OTUD6B: variants seen among roughly 807,000 people sequenced by gnomAD.
The protein encoded by OTUD6B is OTU deubiquitinase 6B, also known as deubiquitinase OTUD6B.
Under a neutral mutation model 36.9 loss-of-function variants are expected in OTUD6B, and 41 were observed. That is an observed-to-expected ratio of 1.11 (90% CI 0.87 to 1.44). The LOEUF (loss-of-function observed/expected upper bound fraction) is 1.44. OTUD6B is among the 40% of genes most tolerant of loss of function. The pLI is 0.00. For missense variants in OTUD6B, 356 were observed against 344.8 expected (o/e 1.03, Z -0.26); for synonymous variants, 114 against 114.2 (o/e 1.00, Z 0.01).
chr8:91,084,936 G>A lies in OTUD6B; in HGVS notation c.*68G>A, dbSNP rs1402953433. 2 of 760,282 alleles carry A rather than the reference G, an allele frequency of 2.6e-6. No homozygotes were observed. Among genetic ancestry groups the A allele is most frequent in the Non-Finnish European group, 4.0e-6 (2 of 493,852 alleles). 47.1% of individuals were successfully genotyped at this position (760,282 alleles called of 1,614,324 possible). On this transcript the variant is annotated 3_prime_UTR_variant, in exon 7 of 7. Coordinates refer to ENST00000404789, the MANE Select transcript of OTUD6B (RefSeq NM_016023.5). ...AACTGAGTATTTCTACCAAGTGTTG[G>A]GTTGTTCTAAATGCTACTGAAAAAC...
chr8:91,074,010 A>G (rs1158287286), intron 3 of OTUD6B, 99 bp downstream of exon 3: 1 of 741,278 alleles, frequency 1.3e-6, no homozygotes, highest in African/African-American at 1.8e-5. Flanking sequence ...GAATGAAAAA[A>G]AAATGATGCA....
intron 2 of OTUD6B, among the ~76,000 whole-genome samples, chr8:91,072,987 AAT>A (rs1418347384): frequency 1.3e-5 from 2 of 152,130 alleles, no homozygotes; most frequent in Admixed American, 1.3e-4. Context: ...GCCTATTGTC[AAT>A]ATAGATGTTT....
In OTUD6B at chr8:91,076,392, A is replaced by T. The variant is rs1169847492; in HGVS notation, c.316-1964A>T. 4 of 878,520 alleles carry T rather than the reference A, an allele frequency of 4.6e-6. No individual in the cohort carries two copies. The African/African-American group carries it at 7.2e-5, about 16-fold the overall frequency. 54.4% of individuals were successfully genotyped at this position (878,520 alleles called of 1,614,324 possible). A position where few individuals can be genotyped will look rare whatever the true frequency, so the allele number is the denominator to read the frequency against. ...GGAAAAAGAATTCAGTGGATTTCTTACCTAGTGCCCTGAAAAGGAAACTCA... is the reference window on the plus strand; with the variant it reads ...GGAAAAAGAATTCAGTGGATTTCTTTCCTAGTGCCCTGAAAAGGAAACTCA... On this transcript the variant is annotated intron_variant, in intron 3 of 6. Transcript: ENST00000404789.
chr8:91,081,835 C>G (rs72664456), intron 5 of OTUD6B, among the ~76,000 whole-genome samples: 43 of 152,166 alleles, frequency 2.8e-4, no homozygotes, highest in Non-Finnish European at 4.4e-4. Flanking sequence ...GGAACTGTAT[C>G]CATTAGTTTT....
At chr8:91,083,155 G>A (rs887014867) in intron 5 of OTUD6B, among the ~76,000 whole-genome samples, 1 of 151,892 alleles carries the variant, frequency 6.6e-6, no homozygotes, top group African/African-American at 2.4e-5. Context: ...CATTGATAGG[G>A]CAGTACAATT....
chr8:91,079,472 C>T (rs1268555419), intron 4 of OTUD6B, among the ~76,000 whole-genome samples: 1 of 151,984 alleles, frequency 6.6e-6, no homozygotes, highest in Non-Finnish European at 1.5e-5. Flanking sequence ...AGTGTGTCTC[C>T]TTTAGTGTGC....
chr8:91,070,508 G>C (rs142391844), intron 1 of OTUD6B, 42 bp downstream of exon 1: 4 of 1,542,814 alleles, frequency 2.6e-6, no homozygotes, highest in East Asian at 2.4e-5. Flanking sequence ...CGCCGCGACT[G>C]GGGGAAGGGC....
chr8:91,080,235 C>T (rs10283000), intron 4 of OTUD6B, among the ~76,000 whole-genome samples: 220 of 152,212 alleles, frequency 1.4e-3, no homozygotes, highest in African/African-American at 5.1e-3. Context: ...GAATTCTCTT[C>T]GTATATTTCC....
Position 91,086,981 on chromosome 8 carries a change from TAC to T in OTUD6B, c.*2115_*2116del, listed in dbSNP as rs1320260237. On this transcript the variant is annotated 3_prime_UTR_variant, in exon 7 of 7. Transcript: ENST00000404789. The stretch of plus-strand genomic sequence containing the variant: ...AGAATTTTATTCACTTAAATTTGTT[TAC>T]AACTTGTATAAAGCAAAAAAGAATG... 4 of 152,226 alleles carry T rather than the reference TAC, an allele frequency of 2.6e-5. No individual in the cohort carries two copies. Among genetic ancestry groups the T allele is most frequent in the Admixed American group, 2.0e-4 (3 of 15,280 alleles). The allele number at this position is 152,226 out of a possible 1,614,324, so 9.4% of individuals were successfully genotyped here.
rs4501549 is a variant in OTUD6B, at chr8:91,075,933, A to G, written c.315+2022A>G. ...AATATCGTGGAATATTGTAGAGCAT[A>G]TCTCTTATTTTTAGTCTAGAAAAAC... On this transcript the variant is annotated intron_variant, in intron 3 of 6. Coordinates refer to ENST00000404789, the MANE Select transcript of OTUD6B (RefSeq NM_016023.5). Among the ~76,000 whole-genome samples the G allele has an allele frequency of 0.022, 3,295 of 152,258 alleles. 149 individuals are homozygous for G. The East Asian group carries it at 0.22, about 10-fold the overall frequency.
intron 3 of OTUD6B, chr8:91,076,652 G>C (rs1812808203): frequency 1.3e-6 from 2 of 1,514,264 alleles, no homozygotes; most frequent in African/African-American, 2.8e-5. Context: ...CTTACCAGCT[G>C]TATGGCCTTT....
At chr8:91,078,849 T>TTA (rs1265230254) in intron 4 of OTUD6B, 181 bp downstream of exon 4, 1 of 439,190 alleles carries the variant, frequency 2.3e-6, no homozygotes, top group Non-Finnish European at 4.0e-6. Context: ...TTTTCTCTAT[T>TTA]AAGATTTCTT....
At chr8:91,071,100 C>A (rs1375964991) in intron 1 of OTUD6B, 38 bp from the exon 2 acceptor site, 2 of 1,606,324 alleles carry the variant, frequency 1.2e-6, no homozygotes, top group East Asian at 2.2e-5. Flanking sequence ...TCCTTTTACT[C>A]CTGCGTGTCT....
chr8:91,084,983 TA>T lies in OTUD6B; in HGVS notation c.*116del. ...AAACACAACTACCTTATATCAGTTT[TA>T]TGGCAAAGCTACTAACAGGTGTTTT... On this transcript the variant is annotated 3_prime_UTR_variant, in exon 7 of 7. Coordinates refer to ENST00000404789, the MANE Select transcript of OTUD6B (RefSeq NM_016023.5). 1 of 440,676 alleles carries T rather than the reference TA, an allele frequency of 2.3e-6. No homozygotes were observed. Among genetic ancestry groups the T allele is most frequent in the Non-Finnish European group, 4.1e-6 (1 of 244,842 alleles). 27.3% of individuals were successfully genotyped at this position (440,676 alleles called of 1,614,324 possible).
At chr8:91,080,970 G>A (rs1310434758) in intron 5 of OTUD6B, among the ~76,000 whole-genome samples, 1 of 152,118 alleles carries the variant, frequency 6.6e-6, no homozygotes, top group Non-Finnish European at 1.5e-5. Context: ...TGTTAGATCT[G>A]TGTGTTAGAA....
In OTUD6B at chr8:91,078,532, A is replaced by C; in HGVS notation, c.492A>C (p.Glu164Asp). 1 of 1,610,026 alleles carries C rather than the reference A, an allele frequency of 6.2e-7. No homozygotes were observed. Among genetic ancestry groups the C allele is most frequent in the Non-Finnish European group, 8.5e-7 (1 of 1,177,998 alleles). The change falls in exon 4 of 7, where the codon GAA (glutamate) becomes GAC (aspartate). Residue 164 changes from glutamate to aspartate, a missense_variant. By Grantham distance (45) the Glu-to-Asp change is conservative (BLOSUM62 2). Transcript: ENST00000404789. ...SDGHCMYKAI[E>D]DQLKEKDCAL... ...GCCACTGTATGTATAAAGCCATTGA[A>C]GATCAACTGAAAGAAAAGGATTGTG...
chr8:91,078,290 C>A, intron 3 of OTUD6B, 66 bp from the exon 4 acceptor site: 1 of 1,466,808 alleles, frequency 6.8e-7, no homozygotes, highest in Non-Finnish European at 9.0e-7. Context: ...CATTTCCCTT[C>A]CCTTAATAAA....
intron 6 of OTUD6B, 46 bp downstream of exon 6, chr8:91,084,160 CA>C: frequency 9.0e-7 from 1 of 1,108,478 alleles, no homozygotes; most frequent in African/African-American, 1.6e-5. Flanking sequence ...ACAATTAATA[CA>C]AAAAGGAATA....
chr8:91,074,827 G>A (rs1812772269), intron 3 of OTUD6B, among the ~76,000 whole-genome samples: 1 of 152,118 alleles, frequency 6.6e-6, no homozygotes, highest in African/African-American at 2.4e-5. Context: ...AAACAGATGA[G>A]GTTTTAATTT....
Sources: allele counts gnomAD v4.1 joint callset (sites outside exome capture counted in the v4.1 genomes callset), GRCh38; gene constraint gnomAD v4.1.1; transcripts MANE v1.5; gene names NCBI Gene and HGNC (gene_info 2026-07-23, HGNC 2026-07-21).